The following CYYR1 variants were observed in gnomAD, a reference collection of about 807,000 sequenced individuals.
CYYR1 encodes cysteine and tyrosine rich 1, also known as cysteine and tyrosine-rich protein 1.
A neutral mutation model predicts 15.2 loss-of-function variants in CYYR1; 14 were observed. The observed-to-expected ratio is 0.92, with a 90% CI of 0.61 to 1.44. The LOEUF (loss-of-function observed/expected upper bound fraction) is 1.44, where lower values mean the gene tolerates loss of function less well. CYYR1 is among the 40% of genes most tolerant of loss of function. CYYR1 has a pLI of 0.00. For synonymous variants in CYYR1, 80 were observed against 77.4 expected (o/e 1.03, Z -0.18); for missense variants, 228 against 209.5 (o/e 1.09, Z -0.54).
intron 3 of CYYR1, among the ~76,000 whole-genome samples, chr21:26,478,793 T>C (rs2065135493): frequency 6.6e-6 from 1 of 152,122 alleles, no homozygotes; most frequent in East Asian, 1.9e-4. Context: ...CAATATCTAC[T>C]TCTCACTGTG....
intron 2 of CYYR1, among the ~76,000 whole-genome samples, chr21:26,494,971 G>C (rs1407949742): frequency 6.6e-6 from 1 of 152,104 alleles, no homozygotes; most frequent in African/African-American, 2.4e-5. Context: ...TCTTTTCTAT[G>C]TCCCAGAAGT....
At chr21:26,519,377 G>A (rs1199801598) in intron 2 of CYYR1, among the ~76,000 whole-genome samples, 1 of 152,192 alleles carries the variant, frequency 6.6e-6, no homozygotes, top group Non-Finnish European at 1.5e-5. Context: ...TGGTGAAGGA[G>A]TTGGCCAAAG....
Position 26,566,336 on chromosome 21 carries a change from TG to T in CYYR1, c.105del (p.Cys35Ter). On this transcript the variant is annotated frameshift_variant, in exon 2 of 4. Transcript: ENST00000652641. LOFTEE classifies it high-confidence loss of function. Reference protein sequence around the residue: ...DDCLAQCGKDCKSYCCDGTTP... With the variant: ...DDCLAQCGKDXKSYCCDGTTP... ...GTGGTTCCATCACAGCAGTAAGATTTGCAATCTTTGCCACACTGAGCAAGGC... is the reference window on the plus strand; with the variant it reads ...GTGGTTCCATCACAGCAGTAAGATTTCAATCTTTGCCACACTGAGCAAGGC... The T allele has an allele frequency of 6.2e-7, 1 of 1,613,822 alleles. No homozygotes were observed. The highest frequency in any genetic ancestry group is 2.2e-5 in the East Asian group (1 of 44,860).
At chr21:26,535,963 A>C (rs1359438539) in intron 2 of CYYR1, among the ~76,000 whole-genome samples, 1 of 152,182 alleles carries the variant, frequency 6.6e-6, no homozygotes, top group Non-Finnish European at 1.5e-5. Flanking sequence ...AAGACTGGGT[A>C]GTTTATAAAG....
intron 2 of CYYR1, among the ~76,000 whole-genome samples, chr21:26,499,863 G>A (rs2065456662): frequency 6.6e-6 from 1 of 151,480 alleles, no homozygotes; most frequent in East Asian, 1.9e-4. Context: ...CAGAGAAGGG[G>A]TCTATGGTAG....
chr21:26,517,784 G>T (rs1302837281), intron 2 of CYYR1, among the ~76,000 whole-genome samples: 1 of 152,176 alleles, frequency 6.6e-6, no homozygotes, highest in East Asian at 1.9e-4. Context: ...TCGAACTCAT[G>T]AGTTCAGGCT....
chr21:26,572,243 C>T (rs1981053126), intron 1 of CYYR1, among the ~76,000 whole-genome samples: 1 of 152,206 alleles, frequency 6.6e-6, no homozygotes, highest in African/African-American at 2.4e-5. Flanking sequence ...ATATTAATCA[C>T]AAACAAGAAA....
In CYYR1 at chr21:26,566,302, C is replaced by A; in HGVS notation, c.140G>T (p.Cys47Phe). ...CCCAATATAAGCGTAGTAGGAGCAA[C>A]AGTAGGGCGTGGTTCCATCACAGCA... ...SYCCDGTTPY[C>F]CSYYAYIGNI... Residue 47 changes from cysteine to phenylalanine, a missense_variant, in exon 2 of 4, where the codon TGT becomes TTT. By Grantham distance (205) the Cys-to-Phe change is radical (BLOSUM62 -2). Coordinates refer to ENST00000652641, the MANE Select transcript of CYYR1 (RefSeq NM_001320768.2). 6.2e-7 allele frequency: 1 copy of A among 1,613,876 alleles called. No individual in the cohort carries two copies.
intron 2 of CYYR1, among the ~76,000 whole-genome samples, chr21:26,512,365 A>G (rs1379297350): frequency 6.6e-6 from 1 of 150,756 alleles, no homozygotes; most frequent in African/African-American, 2.4e-5. Context: ...TGCCTGGCTA[A>G]TTTTTTTTTG....
At chr21:26,560,622 G>T (rs1267374742) in intron 2 of CYYR1, among the ~76,000 whole-genome samples, 1 of 152,102 alleles carries the variant, frequency 6.6e-6, no homozygotes, top group African/African-American at 2.4e-5. Context: ...TCCCTAGTTT[G>T]CTAAGCATTT....
At chr21:26,476,664 A>G (rs551935914) in intron 3 of CYYR1, among the ~76,000 whole-genome samples, 1 of 151,844 alleles carries the variant, frequency 6.6e-6, no homozygotes, top group Non-Finnish European at 1.5e-5. Flanking sequence ...TCTAAAAATC[A>G]TTTCACAGGA....
intron 2 of CYYR1, among the ~76,000 whole-genome samples, chr21:26,494,613 GTGTGGAA>G (rs1204743451): frequency 1.3e-5 from 2 of 151,992 alleles, no homozygotes; most frequent in East Asian, 3.9e-4. Context: ...GCAGTAGTTG[GTGTGGAA>G]GATATCTTCT....
intron 2 of CYYR1, chr21:26,551,973 T>A (rs1979423262): frequency 6.6e-6 from 1 of 152,380 alleles, no homozygotes; most frequent in African/African-American, 2.4e-5. Context: ...GTCTTATTTT[T>A]AAAAATTTCC....
Position 26,466,632 on chromosome 21 carries a change from G to C in CYYR1, c.*1869C>G, listed in dbSNP as rs2064971170. 1 of 152,144 alleles carries C rather than the reference G, an allele frequency of 6.6e-6. No individual in the cohort carries two copies. Among genetic ancestry groups the C allele is most frequent in the Admixed American group, 6.6e-5 (1 of 15,260 alleles). 9.4% of individuals were successfully genotyped at this position (152,144 alleles called of 1,614,324 possible). ...ATCTTTCCTTTCCGTTTTCCTTAAA[G>C]AATATAAGGTATATTTGTATTCAGC... On this transcript the variant is annotated 3_prime_UTR_variant, in exon 4 of 4. Coordinates refer to ENST00000652641, the MANE Select transcript of CYYR1 (RefSeq NM_001320768.2).
intron 2 of CYYR1, among the ~76,000 whole-genome samples, chr21:26,531,603 A>T (rs2065931301): frequency 6.6e-6 from 1 of 152,078 alleles, no homozygotes; most frequent in Non-Finnish European, 1.5e-5. Flanking sequence ...CTATGACTGG[A>T]AGTTTCCTGA....
intron 2 of CYYR1, among the ~76,000 whole-genome samples, chr21:26,562,142 C>T (rs1050573953): frequency 1.3e-4 from 20 of 152,070 alleles, no homozygotes; most frequent in African/African-American, 4.8e-4. Flanking sequence ...TTGAATTGGC[C>T]CAATTCTCAT....
chr21:26,531,124 T>C (rs939298080), intron 2 of CYYR1, among the ~76,000 whole-genome samples: 2 of 152,004 alleles, frequency 1.3e-5, no homozygotes, highest in Non-Finnish European at 2.9e-5. Context: ...TTTCAAGGAG[T>C]AATTTTTTTA....
intron 2 of CYYR1, among the ~76,000 whole-genome samples, chr21:26,554,248 A>G (rs550533809): frequency 2.6e-5 from 4 of 152,334 alleles, no homozygotes; most frequent in South Asian, 4.1e-4. Flanking sequence ...ATTTATTGAC[A>G]TATTGTCAAT....
chr21:26,473,900 T>C (rs2065067171), intron 3 of CYYR1, among the ~76,000 whole-genome samples: 1 of 152,170 alleles, frequency 6.6e-6, no homozygotes, highest in South Asian at 2.1e-4. Context: ...TTCTTCCACA[T>C]CCTACCACCT....
Sources: allele counts gnomAD v4.1 joint callset (sites outside exome capture counted in the v4.1 genomes callset), GRCh38; gene constraint gnomAD v4.1.1; transcripts MANE v1.5; gene names NCBI Gene and HGNC (gene_info 2026-07-23, HGNC 2026-07-21).